The following CMKLR2 variants were observed in gnomAD, a reference collection of about 807,000 sequenced individuals.
The protein encoded by CMKLR2 is chemerin chemokine-like receptor 2.
In CMKLR2, 18 loss-of-function variants were observed where a neutral mutation model predicts 23.0. The observed-to-expected ratio is 0.78, with a 90% CI of 0.54 to 1.16. The LOEUF (loss-of-function observed/expected upper bound fraction) is 1.16. CMKLR2 is among the 50% of genes most tolerant of loss of function. The pLI is 0.00. For missense variants in CMKLR2, 401 were observed against 412.7 expected (o/e 0.97, Z 0.25); for synonymous variants, 158 against 158.9 (o/e 0.99, Z 0.05).
At chr2:206,197,804 C>T (rs1256221835) in intron 1 of CMKLR2, among the ~76,000 whole-genome samples, 1 of 152,198 alleles carries the variant, frequency 6.6e-6, no homozygotes, top group African/African-American at 2.4e-5. Flanking sequence ...GCTGGGATTA[C>T]AGGTGTGAGC....
intron 1 of CMKLR2, among the ~76,000 whole-genome samples, chr2:206,200,165 T>C (rs1373351130): frequency 6.6e-6 from 1 of 151,856 alleles, no homozygotes; most frequent in Non-Finnish European, 1.5e-5. Flanking sequence ...GGCTCATGCC[T>C]GTAATCCCAG....
chr2:206,181,577 A>G (rs954158900), intron 1 of CMKLR2, among the ~76,000 whole-genome samples: 1 of 152,238 alleles, frequency 6.6e-6, no homozygotes, highest in African/African-American at 2.4e-5. Flanking sequence ...TAAAGTATCA[A>G]TTAACACATA....
chr2:206,202,608 G>A (rs573973273), intron 1 of CMKLR2, among the ~76,000 whole-genome samples: 2 of 151,792 alleles, frequency 1.3e-5, no homozygotes, highest in African/African-American at 4.8e-5. Context: ...CTGCAGGCGC[G>A]CCACCACGTT....
At chr2:206,184,222 G>A (rs1050316601) in intron 1 of CMKLR2, among the ~76,000 whole-genome samples, 2 of 151,392 alleles carry the variant, frequency 1.3e-5, no homozygotes, top group African/African-American at 4.9e-5. Flanking sequence ...CAGTCATTTT[G>A]AATTAGGGCC....
At chr2:206,214,946 T>G (rs1689706307), upstream of CMKLR2, among the ~76,000 whole-genome samples, 1 of 152,068 alleles carries the variant, frequency 6.6e-6, no homozygotes, top group Non-Finnish European at 1.5e-5. Context: ...TTTTGTATGG[T>G]CTAACTTCAG....
rs750471925 is a variant in CMKLR2, at chr2:206,176,730, A to G, written c.518T>C (p.Leu173Pro). ...GAACTCCACAGTGTCCCGGAAGTACAGGGCAGGACCGCCAATTAGAGAAGC... is the reference window on the plus strand; with the variant it reads ...GAACTCCACAGTGTCCCGGAAGTACGGGGCAGGACCGCCAATTAGAGAAGC... ...LLASLIGGPA[L>P]YFRDTVEFNN... The change falls in exon 2 of 2, where the codon CTG becomes CCG. Residue 173 changes from leucine to proline, a missense_variant. Leu to Pro is a moderately conservative substitution (Grantham distance 98, BLOSUM62 -3). Transcript: ENST00000621141. The G allele has an allele frequency of 3.1e-6, 5 of 1,614,092 alleles. No homozygotes were observed. Among genetic ancestry groups the G allele is most frequent in the Non-Finnish European group, 4.2e-6 (5 of 1,180,042 alleles).
chr2:206,209,994 C>T (rs1332002093), intron 1 of CMKLR2, among the ~76,000 whole-genome samples: 5 of 137,750 alleles, frequency 3.6e-5, no homozygotes, highest in Non-Finnish European at 7.9e-5. Flanking sequence ...GACAGAGTCT[C>T]ACTCTGTCAC....
chr2:206,204,598 G>T (rs944679658), intron 1 of CMKLR2, among the ~76,000 whole-genome samples: 1 of 151,408 alleles, frequency 6.6e-6, no homozygotes, highest in Admixed American at 6.6e-5. Flanking sequence ...TCGCTCTGTC[G>T]CCCAGGCCAG....
chr2:206,208,277 A>G (rs925053434), intron 1 of CMKLR2, among the ~76,000 whole-genome samples: 2 of 152,194 alleles, frequency 1.3e-5, no homozygotes, highest in Non-Finnish European at 2.9e-5. Context: ...GTGGTGGCTC[A>G]TGCCTGTAAT....
rs549621648 is a variant in CMKLR2, at chr2:206,210,238, C to T, written c.-29+3069G>A. 2.3e-4 allele frequency among the ~76,000 whole-genome samples: 35 copies of T among 152,270 alleles called. No homozygotes were observed. The South Asian group carries it at 7.3e-3, about 32-fold the overall frequency. On this transcript the variant is annotated intron_variant, in intron 1 of 1. Coordinates refer to ENST00000621141, the MANE Select transcript of CMKLR2 (RefSeq NM_001389445.1). ...GGATTACAGGCCTAAGCCACCATGC[C>T]TGGCCCTGTGTTTCGTTTTCTGTTC... is the stretch of plus-strand genomic sequence containing the variant.
intron 1 of CMKLR2, among the ~76,000 whole-genome samples, chr2:206,185,489 G>A (rs1333208419): frequency 6.6e-6 from 1 of 152,190 alleles, no homozygotes; most frequent in Non-Finnish European, 1.5e-5. Context: ...AACCGAGCAA[G>A]AGGAAGAAAA....
At chr2:206,191,069 A>T (rs1688732792) in intron 1 of CMKLR2, among the ~76,000 whole-genome samples, 2 of 152,224 alleles carry the variant, frequency 1.3e-5, no homozygotes, top group Admixed American at 1.3e-4. Flanking sequence ...ACACAGATGT[A>T]TAATGTAAAT....
At chr2:206,196,765 G>A (rs1576055949) in intron 1 of CMKLR2, among the ~76,000 whole-genome samples, 1 of 152,138 alleles carries the variant, frequency 6.6e-6, no homozygotes, top group African/African-American at 2.4e-5. Context: ...CTGTTCCTCG[G>A]GCTGGTTCTG....
At chr2:206,191,235 AC>A (rs1688737423) in intron 1 of CMKLR2, among the ~76,000 whole-genome samples, 3 of 152,102 alleles carry the variant, frequency 2.0e-5, no homozygotes, top group African/African-American at 7.2e-5. Context: ...ATAGCACCTA[AC>A]TCATGGGGTT....
At chr2:206,214,376 A>C (rs1018211318), upstream of CMKLR2, among the ~76,000 whole-genome samples, 2 of 151,038 alleles carry the variant, frequency 1.3e-5, no homozygotes, top group Non-Finnish European at 3.0e-5. Flanking sequence ...GTTTCACCAC[A>C]TTGGCCAGGC....
chr2:206,216,349 G>T (rs530927896), upstream of CMKLR2, among the ~76,000 whole-genome samples: 1 of 152,254 alleles, frequency 6.6e-6, no homozygotes, highest in East Asian at 1.9e-4. Flanking sequence ...CAGCTACTTG[G>T]GAGGCTGAGG....
intron 1 of CMKLR2, among the ~76,000 whole-genome samples, chr2:206,194,724 C>T (rs1328853663): frequency 6.7e-6 from 1 of 150,258 alleles, no homozygotes; most frequent in East Asian, 2.0e-4. Flanking sequence ...GCATGAGCCA[C>T]CACACTGGGC....
At chr2:206,192,278 C>T (rs944920024) in intron 1 of CMKLR2, among the ~76,000 whole-genome samples, 4 of 148,344 alleles carry the variant, frequency 2.7e-5, no homozygotes, top group East Asian at 2.0e-4. Context: ...CCGGGACTGG[C>T]GTTCTCTTTA....
intron 1 of CMKLR2, among the ~76,000 whole-genome samples, chr2:206,180,165 T>A (rs1028285448): frequency 2.0e-5 from 3 of 152,046 alleles, no homozygotes; most frequent in African/African-American, 7.2e-5. Flanking sequence ...GTCAATGTTA[T>A]TGAGAATTTA....
Sources: allele counts gnomAD v4.1 joint callset (sites outside exome capture counted in the v4.1 genomes callset), GRCh38; gene constraint gnomAD v4.1.1; transcripts MANE v1.5; gene names NCBI Gene and HGNC (gene_info 2026-07-23, HGNC 2026-07-21).